HIVEP1: variants seen among roughly 807,000 people sequenced by gnomAD.
HIVEP1 encodes HIVEP zinc finger 1, also known as zinc finger protein 40.
In HIVEP1, 36 loss-of-function variants were observed where a neutral mutation model predicts 180.0. The ratio of observed to expected loss-of-function variants is 0.20; its 90% CI spans 0.15 to 0.26. The LOEUF (loss-of-function observed/expected upper bound fraction) is 0.26, where lower values mean the gene tolerates loss of function less well. Among genes scored for constraint, HIVEP1 ranks in the 10% least tolerant of loss-of-function variants. The probability of loss-of-function intolerance (pLI) is 1.00; values close to 1 mark genes in which losing one functional copy is unlikely to be tolerated. For synonymous variants in HIVEP1, 1,239 were observed against 1,239.0 expected, an observed-to-expected ratio of 1.00 and a Z score of 0.00; for missense variants, 3,143 against 3,268.7, an observed-to-expected ratio of 0.96 and a Z score of 0.94.
intron 3 of HIVEP1, among the ~76,000 whole-genome samples, chr6:12,094,957 A>T (rs1773702312): frequency 6.6e-6 from 1 of 152,020 alleles, no homozygotes; most frequent in African/African-American, 2.4e-5. Context: ...ATAAGGGATT[A>T]TCCAAACATT....
At chr6:12,184,070 G>T in the HIVEP1 span, among the ~76,000 whole-genome samples, 2 of 144,804 alleles carry the variant, frequency 1.4e-5, no homozygotes, top group Non-Finnish European at 3.1e-5. Context: ...GACTGATTTG[G>T]GGGGAAGTGG....
the HIVEP1 span, among the ~76,000 whole-genome samples, chr6:12,186,348 T>C: frequency 6.6e-6 from 1 of 151,468 alleles, no homozygotes; most frequent in East Asian, 1.9e-4. Context: ...CAAAAGACTA[T>C]TAAATATATA....
chr6:12,078,479 A>G (rs2327508), intron 2 of HIVEP1, among the ~76,000 whole-genome samples: 97,057 of 151,624 alleles, frequency 0.64, 31,134 homozygotes, highest in East Asian at 0.72. Flanking sequence ...AGTGAGCTAA[A>G]TGCACAAGGC....
chr6:12,050,147 A>G (rs1461517792), intron 2 of HIVEP1, among the ~76,000 whole-genome samples: 2 of 152,168 alleles, frequency 1.3e-5, no homozygotes, highest in East Asian at 1.9e-4. Context: ...CCGCCAGCCC[A>G]GTGGAAACAA....
Position 12,121,494 on chromosome 6 carries a change from C to G in HIVEP1, c.1699C>G (p.His567Asp), listed in dbSNP as rs1263959156. 1 of 1,614,186 alleles carries G rather than the reference C, an allele frequency of 6.2e-7. No homozygotes were observed. Among genetic ancestry groups the G allele is most frequent in the Non-Finnish European group, 8.5e-7 (1 of 1,180,040 alleles). The change falls in exon 4 of 9, where the codon CAT becomes GAT. Residue 567 changes from histidine to aspartate, a missense_variant. Physicochemically the swap from His to Asp is moderately conservative, Grantham distance 81. Around this residue, in one of 12 missense-constraint regions of HIVEP1, gnomAD observed 365 missense variants for 344.4 expected, o/e 1.06. Transcript: ENST00000379388. The surrounding 1 kb of genome is among the most constrained non-coding windows in gnomAD (Gnocchi z 5.3). ...VTELPKVVVH[H>D]VTVSPLRTDS... is the part of the protein sequence containing the mutation. ...AGAGTTACCGAAAGTTGTGGTCCAC[C>G]ATGTCACTGTGTCCCCCTTAAGAAC...
intron 3 of HIVEP1, among the ~76,000 whole-genome samples, chr6:12,093,156 T>G (rs1452141562): frequency 3.3e-5 from 5 of 152,186 alleles, no homozygotes; most frequent in African/African-American, 1.2e-4. Context: ...GGCCTCCTGC[T>G]TATTTAATTT....
chr6:12,177,012 G>A, the HIVEP1 span, among the ~76,000 whole-genome samples: 2 of 152,148 alleles, frequency 1.3e-5, no homozygotes, highest in African/African-American at 2.4e-5. Flanking sequence ...TATCTTCTGC[G>A]GGAACATGGA....
the HIVEP1 span, among the ~76,000 whole-genome samples, chr6:12,207,192 G>A: frequency 7.9e-5 from 12 of 152,118 alleles, no homozygotes; most frequent in South Asian, 4.1e-4. Flanking sequence ...TTGATTGCCC[G>A]TTGCATAGTT....
chr6:12,183,971 G>A, the HIVEP1 span, among the ~76,000 whole-genome samples: 3 of 134,724 alleles, frequency 2.2e-5, no homozygotes, highest in African/African-American at 9.2e-5. Flanking sequence ...AAATCACATT[G>A]TAAAGATAGA....
At chr6:12,180,312 A>G in the HIVEP1 span, among the ~76,000 whole-genome samples, 1 of 152,352 alleles carries the variant, frequency 6.6e-6, no homozygotes, top group East Asian at 1.9e-4. Context: ...GCTGAATAAG[A>G]GCATTTTAAA....
At chr6:12,104,378 TTCTC>T (rs921441156) in intron 3 of HIVEP1, among the ~76,000 whole-genome samples, 2 of 146,250 alleles carry the variant, frequency 1.4e-5, no homozygotes, top group South Asian at 2.2e-4. Context: ...CTCTCTCTCT[TTCTC>T]TCTCTCTCTT....
Position 12,163,618 on chromosome 6 carries a change from G to A in HIVEP1, c.7314G>A (p.Leu2438=), listed in dbSNP as rs780544759. 6.2e-7 allele frequency: 1 copy of A among 1,614,110 alleles called. No homozygotes were observed. Among genetic ancestry groups the A allele is most frequent in the Admixed American group, 1.7e-5 (1 of 60,010 alleles). The change falls in exon 9 of 9, where the codon TTG becomes TTA. Residue 2438 remains leucine, a synonymous_variant. Coordinates refer to ENST00000379388, the MANE Select transcript of HIVEP1 (RefSeq NM_002114.4). ...CTGTCAGTGTCGTTCACAGAACTTT[G>A]GGTACTCATAGGAATACGGTCACAG... ...IPAVSVVHRT[L]GTHRNTVTEV...
chr6:12,020,408 G>T (rs760061469), intron 2 of HIVEP1: 14 of 471,002 alleles, frequency 3.0e-5, no homozygotes, highest in Non-Finnish European at 5.7e-5. Context: ...TGGCTCTTCC[G>T]CATGGTCTTG....
intron 2 of HIVEP1, among the ~76,000 whole-genome samples, chr6:12,071,297 T>TG (rs571330477): frequency 7.2e-4 from 106 of 147,168 alleles, no homozygotes; most frequent in South Asian, 2.1e-3. Context: ...TCCTTGATAG[T>TG]GGGGGGCTGG....
At chr6:12,200,150 G>A in the HIVEP1 span, among the ~76,000 whole-genome samples, 7 of 152,238 alleles carry the variant, frequency 4.6e-5, 1 homozygote, top group South Asian at 1.5e-3. Flanking sequence ...GCAAATACAG[G>A]GCCAGGGGCA....
chr6:12,078,719 C>CACACACACACACACACACACACATATAT (rs758199591), intron 2 of HIVEP1, among the ~76,000 whole-genome samples: 4 of 146,348 alleles, frequency 2.7e-5, no homozygotes, highest in Admixed American at 6.8e-5. Flanking sequence ...CACACACACA[C>CACACACACACACACACACACACATATAT]ATATATATAT....
intron 2 of HIVEP1, among the ~76,000 whole-genome samples, chr6:12,034,955 G>C (rs1424055348): frequency 6.6e-6 from 1 of 152,210 alleles, no homozygotes; most frequent in African/African-American, 2.4e-5. Flanking sequence ...GGGTAAGCTT[G>C]GGGCTGGCAG....
At chr6:12,108,384 G>A (rs374837833) in intron 3 of HIVEP1, among the ~76,000 whole-genome samples, 6 of 152,220 alleles carry the variant, frequency 3.9e-5, no homozygotes, top group African/African-American at 9.6e-5. Flanking sequence ...CGTGCACTGC[G>A]CCCGCACTCT....
rs779610428 is a variant in HIVEP1 at position 12,124,155 on chromosome 6, A to C, written c.4360A>C (p.Thr1454Pro). 12 of 1,613,990 alleles carry C rather than the reference A, an allele frequency of 7.4e-6. No homozygotes were observed. Among genetic ancestry groups the C allele is most frequent in the Non-Finnish European group, 1.0e-5 (12 of 1,180,024 alleles). Reference sequence around the variant, plus strand: ...TGTACACCCAACATCTTTCCAAAATACTGCTCTTCCCAGTGTGAATGCAGT... The same window carrying C: ...TGTACACCCAACATCTTTCCAAAATCCTGCTCTTCCCAGTGTGAATGCAGT... ...SPVHPTSFQN[T>P]ALPSVNAVPY... The change falls in exon 4 of 9, where the codon ACT (threonine) becomes CCT (proline). Residue 1454 changes from threonine to proline, a missense_variant. Transcript: ENST00000379388.
Sources: allele counts gnomAD v4.1 joint callset (sites outside exome capture counted in the v4.1 genomes callset), GRCh38; gene constraint gnomAD v4.1.1; regional missense constraint gnomAD v4.1.1; non-coding constraint Gnocchi (gnomAD v3.1); transcripts MANE v1.5; gene names NCBI Gene and HGNC (gene_info 2026-07-23, HGNC 2026-07-21).